Variants in SPOCK3 observed in about 807,000 individuals in gnomAD.
SPOCK3 encodes the protein SPARC (osteonectin), cwcv and kazal like domains proteoglycan 3.
SPOCK3 carries 30 observed loss-of-function variants against 56.6 expected under a neutral mutation model. That is an observed-to-expected ratio of 0.53 (90% confidence interval 0.40 to 0.72). The LOEUF (loss-of-function observed/expected upper bound fraction) is 0.72. Among genes scored for constraint, SPOCK3 ranks in the 30% least tolerant of loss-of-function variants. The pLI, the probability that SPOCK3 is intolerant of heterozygous loss-of-function variation, is 0.00. For synonymous variants in SPOCK3, 196 were observed against 183.3 expected (o/e 1.07, Z -0.56); for missense variants, 527 against 530.0 (o/e 0.99, Z 0.06).
chr4:166,861,361 G>A (rs1731232056), intron 6 of SPOCK3, among the ~76,000 whole-genome samples: 1 of 151,876 alleles, frequency 6.6e-6, no homozygotes, highest in Admixed American at 6.6e-5. Flanking sequence ...CTGCCTTTCT[G>A]TATTTCTCAA....
chr4:167,209,052 CTT>C (rs1226740215), intron 2 of SPOCK3, among the ~76,000 whole-genome samples: 2 of 152,096 alleles, frequency 1.3e-5, no homozygotes, highest in African/African-American at 4.8e-5. Flanking sequence ...CAATTATTGT[CTT>C]GTTTGCTGTA....
intron 4 of SPOCK3, among the ~76,000 whole-genome samples, chr4:166,946,609 A>G (rs976905357): frequency 6.6e-6 from 1 of 152,120 alleles, no homozygotes; most frequent in African/African-American, 2.4e-5. Context: ...TTCCCTGACC[A>G]TCATCCTCGT....
chr4:167,072,731 T>C (rs1756800343), intron 2 of SPOCK3, among the ~76,000 whole-genome samples: 2 of 151,906 alleles, frequency 1.3e-5, no homozygotes, highest in Non-Finnish European at 2.9e-5. Context: ...AATCTACAGA[T>C]GAATTTATCA....
chr4:166,999,671 A>G (rs945022124), intron 4 of SPOCK3, among the ~76,000 whole-genome samples: 30 of 152,192 alleles, frequency 2.0e-4, no homozygotes, highest in Non-Finnish European at 4.1e-4. Context: ...TAAACAATGA[A>G]TTCATGTTTG....
intron 2 of SPOCK3, among the ~76,000 whole-genome samples, chr4:167,222,553 T>C (rs1736046979): frequency 7.0e-6 from 1 of 143,612 alleles, no homozygotes; most frequent in African/African-American, 2.5e-5. Flanking sequence ...TATGAATATA[T>C]AATATATATA....
At chr4:167,065,037 CAAAAA>C (rs56284627) in intron 2 of SPOCK3, among the ~76,000 whole-genome samples, 24,545 of 64,470 alleles carry the variant, frequency 0.38, 3,566 homozygotes, top group East Asian at 0.6. Flanking sequence ...ATGCCCTCTC[CAAAAA>C]AAAAAAAAAA....
chr4:167,006,688 C>T (rs1313587583), intron 3 of SPOCK3, among the ~76,000 whole-genome samples: 1 of 152,116 alleles, frequency 6.6e-6, no homozygotes, highest in Non-Finnish European at 1.5e-5. Flanking sequence ...ATGCAAAATA[C>T]AGACTTTTTG....
intron 6 of SPOCK3, among the ~76,000 whole-genome samples, chr4:166,875,091 T>C (rs1045051122): frequency 1.3e-4 from 15 of 111,782 alleles, no homozygotes; most frequent in Non-Finnish European, 1.9e-4. Flanking sequence ...GATATATTTG[T>C]CATATTTACA....
intron 6 of SPOCK3, among the ~76,000 whole-genome samples, chr4:166,811,722 T>C (rs1381499783): frequency 6.6e-6 from 1 of 151,858 alleles, no homozygotes; most frequent in Non-Finnish European, 1.5e-5. Flanking sequence ...TGGAAGAGAA[T>C]TGCTATTATT....
chr4:167,007,520 A>G (rs1749584276), intron 3 of SPOCK3, among the ~76,000 whole-genome samples: 1 of 151,986 alleles, frequency 6.6e-6, no homozygotes, highest in Non-Finnish European at 1.5e-5. Context: ...TCTGAGGGCC[A>G]GTTGTAATCT....
At chr4:167,058,265 G>C (rs1055439838) in intron 3 of SPOCK3, among the ~76,000 whole-genome samples, 6 of 152,072 alleles carry the variant, frequency 3.9e-5, no homozygotes, top group Admixed American at 6.6e-5. Context: ...TGTCTCAGCT[G>C]AAAATCTCCT....
chr4:166,809,132 T>TA (rs532660218), intron 6 of SPOCK3, among the ~76,000 whole-genome samples: 160 of 152,120 alleles, frequency 1.1e-3, no homozygotes, highest in African/African-American at 3.4e-3. Context: ...GTTTAAACAG[T>TA]AAAAAATAAA....
chr4:167,158,643 T>C (rs1046320255), intron 2 of SPOCK3, among the ~76,000 whole-genome samples: 1 of 152,002 alleles, frequency 6.6e-6, no homozygotes, highest in Non-Finnish European at 1.5e-5. Context: ...TAGTTATTAG[T>C]AAAAGCCTAA....
intron 4 of SPOCK3, among the ~76,000 whole-genome samples, chr4:166,998,151 G>C (rs1748582384): frequency 6.6e-6 from 1 of 152,054 alleles, no homozygotes. Context: ...TCAATTTGTT[G>C]GAAACTAGTG....
intron 5 of SPOCK3, among the ~76,000 whole-genome samples, chr4:166,911,775 A>G (rs1737306388): frequency 1.3e-5 from 2 of 151,976 alleles, no homozygotes; most frequent in African/African-American, 4.8e-5. Context: ...TGACTCAGGT[A>G]ATCTGCCCAC....
intron 2 of SPOCK3, among the ~76,000 whole-genome samples, chr4:167,164,404 T>C (rs1765580714): frequency 6.6e-6 from 1 of 152,146 alleles, no homozygotes. Context: ...TGAGATTATA[T>C]GGGATTTATT....
At chr4:166,833,613 T>C (rs1746311907) in intron 6 of SPOCK3, among the ~76,000 whole-genome samples, 2 of 152,344 alleles carry the variant, frequency 1.3e-5, no homozygotes, top group South Asian at 2.1e-4. Context: ...GCTAGTTACA[T>C]ACTGCTCATT....
chr4:167,233,359 T>C (rs549089945), intron 2 of SPOCK3, among the ~76,000 whole-genome samples: 1 of 152,290 alleles, frequency 6.6e-6, no homozygotes, highest in Admixed American at 6.5e-5. Flanking sequence ...CCCGCAGAGT[T>C]CAAGGCAGTG....
intron 2 of SPOCK3, among the ~76,000 whole-genome samples, chr4:167,139,626 T>C (rs1009325665): frequency 5.3e-5 from 8 of 152,074 alleles, no homozygotes; most frequent in Admixed American, 2.0e-4. Context: ...TATGAGAATT[T>C]TCCAAACAAA....
Sources: gnomAD v4.1 joint callset for allele counts (sites outside exome capture counted in the v4.1 genomes callset) on GRCh38, gnomAD v4.1.1 for gene constraint, MANE v1.5 for transcripts, NCBI Gene and HGNC (gene_info 2026-07-23, HGNC 2026-07-21) for gene names.